LRRC4C: variants seen among roughly 807,000 people sequenced by gnomAD.
LRRC4C encodes the protein leucine-rich repeat-containing protein 4C.
Under a neutral mutation model 33.6 loss-of-function variants are expected in LRRC4C, and 5 were observed. That is an observed-to-expected ratio of 0.15 (90% CI 0.08 to 0.31). The LOEUF (loss-of-function observed/expected upper bound fraction) is 0.31. Among genes scored for constraint, LRRC4C ranks in the 10% least tolerant of loss-of-function variants. The pLI is 1.00. For missense variants in LRRC4C, 560 were observed against 796.7 expected, an observed-to-expected ratio of 0.70 and a Z score of 3.58; for synonymous variants, 329 against 302.0, an observed-to-expected ratio of 1.09 and a Z score of -0.93.
rs535729352 is a variant in LRRC4C at position 40,671,894 on chromosome 11, C to A, written c.-406-23616G>T. Among the ~76,000 whole-genome samples, 5 of 151,844 alleles carry A rather than the reference C, an allele frequency of 3.3e-5. No homozygotes were observed. In the South Asian group the frequency reaches 8.3e-4, roughly 25 times the overall value. On this transcript the variant is annotated intron_variant, in intron 2 of 6. Coordinates refer to ENST00000528697, the MANE Select transcript of LRRC4C (RefSeq NM_001258419.2). ...TTCTAGAATGTACATTTTTCAAAAA[C>A]GAGATTTTGTCTGTCTTACTTTCTA...
chr11:40,310,806 T>C (rs187062451), intron 4 of LRRC4C, among the ~76,000 whole-genome samples: 3 of 152,342 alleles, frequency 2.0e-5, no homozygotes, highest in Non-Finnish European at 4.4e-5. Flanking sequence ...GTTTACTTTA[T>C]TTATTAGAAT....
At chr11:40,313,620 T>TGAGATGGAG (rs1945428259) in intron 4 of LRRC4C, among the ~76,000 whole-genome samples, 1 of 120,296 alleles carries the variant, frequency 8.3e-6, no homozygotes, top group Non-Finnish European at 1.8e-5. Context: ...TTTTTTTTTT[T>TGAGATGGAG]TTTTTGAGAT....
At chr11:40,689,317 T>A (rs1289329858) in intron 2 of LRRC4C, among the ~76,000 whole-genome samples, 4 of 152,000 alleles carry the variant, frequency 2.6e-5, no homozygotes, top group Non-Finnish European at 4.4e-5. Flanking sequence ...ATCCATCTTA[T>A]AAGAATTGCA....
intron 4 of LRRC4C, among the ~76,000 whole-genome samples, chr11:40,283,191 A>G (rs527877876): frequency 2.6e-5 from 4 of 152,232 alleles, no homozygotes; most frequent in Non-Finnish European, 5.9e-5. Flanking sequence ...ATATTAAATT[A>G]GCACTAAAAT....
At chr11:40,133,054 G>A (rs1156948020) in intron 6 of LRRC4C, among the ~76,000 whole-genome samples, 1 of 152,218 alleles carries the variant, frequency 6.6e-6, no homozygotes, top group Non-Finnish European at 1.5e-5. Context: ...TGGCAAGGCA[G>A]TCAGAGAAGG....
chr11:40,551,035 A>T (rs1957109692), intron 3 of LRRC4C, among the ~76,000 whole-genome samples: 1 of 152,124 alleles, frequency 6.6e-6, no homozygotes, highest in Non-Finnish European at 1.5e-5. Context: ...GGAAGATTAA[A>T]GAGATCCTAA....
intron 3 of LRRC4C, among the ~76,000 whole-genome samples, chr11:40,367,795 A>G (rs1003148584): frequency 1.3e-5 from 2 of 152,212 alleles, no homozygotes; most frequent in African/African-American, 2.4e-5. Context: ...TCTCCACAGC[A>G]GTTATCTTCT....
chr11:40,877,730 T>C (rs116990648), intron 2 of LRRC4C, among the ~76,000 whole-genome samples: 3,356 of 152,260 alleles, frequency 0.022, 70 homozygotes, highest in Non-Finnish European at 0.031. Flanking sequence ...GTGGTGGCCT[T>C]CAATATTGCT....
At chr11:41,161,260 A>C (rs1590796090) in intron 1 of LRRC4C, among the ~76,000 whole-genome samples, 1 of 152,304 alleles carries the variant, frequency 6.6e-6, no homozygotes, top group Non-Finnish European at 1.5e-5. Context: ...GAAGATTAAC[A>C]TAGCCAAGAA....
intron 2 of LRRC4C, among the ~76,000 whole-genome samples, chr11:40,850,499 T>C (rs1953426696): frequency 6.6e-6 from 1 of 152,184 alleles, no homozygotes; most frequent in South Asian, 2.1e-4. Flanking sequence ...GCCTGCTCCT[T>C]TCTCTGGAAG....
intron 1 of LRRC4C, among the ~76,000 whole-genome samples, chr11:41,257,565 T>C (rs1375802914): frequency 1.3e-5 from 2 of 152,050 alleles, no homozygotes. Context: ...AGAATTCTGA[T>C]ATTTAGTGAA....
chr11:40,408,161 A>G (rs1950026368), intron 3 of LRRC4C, among the ~76,000 whole-genome samples: 1 of 152,006 alleles, frequency 6.6e-6, no homozygotes, highest in African/African-American at 2.4e-5. Context: ...TCAGTTTTCA[A>G]TTAATAAACT....
At chr11:40,162,861 G>T (rs978489295) in intron 5 of LRRC4C, among the ~76,000 whole-genome samples, 1 of 152,124 alleles carries the variant, frequency 6.6e-6, no homozygotes, top group Non-Finnish European at 1.5e-5. Flanking sequence ...GTACTTCTAA[G>T]CACCTGTTTA....
Position 40,805,275 on chromosome 11 carries a change from A to G in LRRC4C, c.-407+128360T>C, listed in dbSNP as rs137951222. On this transcript the variant is annotated intron_variant, in intron 2 of 6. Coordinates refer to ENST00000528697, the MANE Select transcript of LRRC4C (RefSeq NM_001258419.2). ...GCTATCTTGGGCCAAAGACAGAAAA[A>G]GTGGGCTGACAGTAAAGCAGACTCT... 2.1e-3 allele frequency among the ~76,000 whole-genome samples: 323 copies of G among 152,266 alleles called. 1 individual carries two copies. The highest frequency in any genetic ancestry group is 7.6e-3 in the African/African-American group (315 of 41,574).
chr11:40,991,707 G>A (rs34638754), intron 1 of LRRC4C, among the ~76,000 whole-genome samples: 56,701 of 152,016 alleles, frequency 0.37, 11,665 homozygotes, highest in East Asian at 0.52. Flanking sequence ...TAAGGAGCAT[G>A]GAACCAGAAC....
At chr11:40,914,948 G>C (rs937973002) in intron 2 of LRRC4C, among the ~76,000 whole-genome samples, 10 of 152,122 alleles carry the variant, frequency 6.6e-5, no homozygotes, top group Admixed American at 5.2e-4. Context: ...ATTCACAATT[G>C]CTTCAAAGAG....
At chr11:41,285,623 T>G (rs374707746) in intron 1 of LRRC4C, among the ~76,000 whole-genome samples, 1 of 152,074 alleles carries the variant, frequency 6.6e-6, no homozygotes, top group Admixed American at 6.5e-5. Context: ...ATGTCCCACA[T>G]GGAAGACAGT....
At chr11:41,419,508 C>G (rs1954802833) in intron 1 of LRRC4C, among the ~76,000 whole-genome samples, 2 of 151,718 alleles carry the variant, frequency 1.3e-5, no homozygotes, top group South Asian at 4.2e-4. Flanking sequence ...TATAAGACAC[C>G]AGACAAATGG....
At chr11:40,788,919 C>T (rs1416714719) in intron 2 of LRRC4C, among the ~76,000 whole-genome samples, 2 of 151,728 alleles carry the variant, frequency 1.3e-5, no homozygotes, top group Non-Finnish European at 2.9e-5. Context: ...GGTGAAACCC[C>T]GTCTCTACTA....
Sources: allele counts gnomAD v4.1 joint callset (sites outside exome capture counted in the v4.1 genomes callset), GRCh38; gene constraint gnomAD v4.1.1; transcripts MANE v1.5; gene names NCBI Gene and HGNC (gene_info 2026-07-23, HGNC 2026-07-21).